CIB1: variants seen among roughly 807,000 people sequenced by gnomAD.
CIB1 encodes the protein calcium and integrin binding 1.
Under a neutral mutation model 25.0 loss-of-function variants are expected in CIB1, and 19 were observed. The ratio of observed to expected loss-of-function variants is 0.76; its 90% CI spans 0.53 to 1.12. The LOEUF (loss-of-function observed/expected upper bound fraction) is 1.12, where lower values mean the gene tolerates loss of function less well. CIB1 is among the 50% of genes most tolerant of loss of function. CIB1 has a pLI of 0.00. For missense variants in CIB1, 236 were observed against 242.6 expected (o/e 0.97, Z 0.18); for synonymous variants, 104 against 98.5 (o/e 1.06, Z -0.33).
the CIB1 span, among the ~76,000 whole-genome samples, chr15:90,247,843 C>T: frequency 6.6e-6 from 1 of 151,652 alleles, no homozygotes; most frequent in African/African-American, 2.4e-5. Context: ...ATTCTCCTGC[C>T]TCAGCCTTCC....
chr15:90,250,728 C>G, the CIB1 span: 1 of 1,614,178 alleles, frequency 6.2e-7, no homozygotes, highest in East Asian at 2.2e-5. Context: ...ACCAACCCCT[C>G]TAACTCTTCA....
At chr15:90,252,407 C>G in the CIB1 span, among the ~76,000 whole-genome samples, 4 of 152,230 alleles carry the variant, frequency 2.6e-5, no homozygotes, top group African/African-American at 9.6e-5. Context: ...TCTTGAACTC[C>G]TGGGCTCAAG....
chr15:90,252,621 A>G, the CIB1 span, among the ~76,000 whole-genome samples: 41,415 of 152,084 alleles, frequency 0.27, 6,563 homozygotes, highest in East Asian at 0.69. Context: ...TTTATAAGGA[A>G]CCACACAAGT....
At chr15:90,231,930 C>T (rs769843215) in intron 3 of CIB1, among the ~76,000 whole-genome samples, 37 of 152,258 alleles carry the variant, frequency 2.4e-4, no homozygotes, top group Non-Finnish European at 4.6e-4. Flanking sequence ...GCCTCTAGAA[C>T]ACGGTTCCTC....
the CIB1 span, among the ~76,000 whole-genome samples, chr15:90,247,942 C>T: frequency 8.8e-3 from 1,330 of 151,878 alleles, 15 homozygotes; most frequent in South Asian, 0.05. Flanking sequence ...GGGGTTTCAC[C>T]GTGTTAGCCA....
upstream of CIB1, among the ~76,000 whole-genome samples, chr15:90,237,560 G>A (rs968099429): frequency 2.0e-5 from 3 of 152,184 alleles, no homozygotes; most frequent in Non-Finnish European, 4.4e-5. Flanking sequence ...CTGGTCCAGG[G>A]ATTACAGGTG....
chr15:90,262,980 G>A, the CIB1 span: 11 of 1,535,916 alleles, frequency 7.2e-6, no homozygotes, highest in South Asian at 1.3e-4. Context: ...TGCCGGGACA[G>A]CTGGACACCA....
intron 6 of CIB1, 122 bp downstream of exon 6, chr15:90,230,812 C>G (rs1962460410): frequency 1.1e-6 from 1 of 931,052 alleles, no homozygotes; most frequent in Admixed American, 1.8e-5. Context: ...TTAGCCGGCC[C>G]TGTGTGTGGG....
upstream of CIB1, among the ~76,000 whole-genome samples, chr15:90,236,604 G>T (rs1447445926): frequency 6.6e-6 from 1 of 152,084 alleles, no homozygotes; most frequent in Non-Finnish European, 1.5e-5. Flanking sequence ...TATGATCTTG[G>T]CTTACTGCAA....
chr15:90,248,931 G>T, the CIB1 span, among the ~76,000 whole-genome samples: 1 of 152,014 alleles, frequency 6.6e-6, no homozygotes, highest in Non-Finnish European at 1.5e-5. Flanking sequence ...GTGATAAGGC[G>T]GTTTGGTTAT....
At chr15:90,241,323 C>G in the CIB1 span, 1 of 1,614,220 alleles carries the variant, frequency 6.2e-7, no homozygotes, top group Non-Finnish European at 8.5e-7. Context: ...CTTCCGTTTG[C>G]ACCGGGAGCC....
At position 90,231,424 on chromosome 15, in the gene CIB1, A is replaced by G; in HGVS notation, c.279T>C (p.Asp93=). The G allele has an allele frequency of 6.2e-7, 1 of 1,614,184 alleles. No individual in the cohort carries two copies. The highest frequency in any genetic ancestry group is 1.1e-5 in the South Asian group (1 of 91,084). ...CTGTGTCACTGAACACACTGAGGAG[A>G]TCCAGGAAGTCCTCAAAGCTAAGGC... ...KDSLSFEDFL[D]LLSVFSDTAT... Residue 93 remains aspartate, a synonymous_variant, in exon 4 of 7, where the codon GAT becomes GAC. Coordinates refer to ENST00000328649, the MANE Select transcript of CIB1 (RefSeq NM_006384.4).
chr15:90,258,426 C>T, the CIB1 span: 6 of 693,406 alleles, frequency 8.7e-6, no homozygotes, highest in African/African-American at 9.0e-5. Flanking sequence ...AGATCTCTAC[C>T]CTTTTGACCT....
chr15:90,264,930 G>A, the CIB1 span: 2 of 1,535,926 alleles, frequency 1.3e-6, no homozygotes, highest in Non-Finnish European at 1.7e-6. Flanking sequence ...ATGCTGCAGC[G>A]TTCCAGAGCA....
At chr15:90,237,950 T>G (rs80331066), upstream of CIB1, among the ~76,000 whole-genome samples, 3,678 of 152,234 alleles carry the variant, frequency 0.024, 140 homozygotes, top group African/African-American at 0.08. Context: ...AGCTTCACTT[T>G]TTTGTTGTTG....
At chr15:90,250,693 T>C in the CIB1 span, 1 of 1,614,160 alleles carries the variant, frequency 6.2e-7, no homozygotes, top group Non-Finnish European at 8.5e-7. Context: ...AAAAGGAATC[T>C]GAGAAGTGTG....
chr15:90,255,859 C>G, the CIB1 span: 2 of 1,614,150 alleles, frequency 1.2e-6, no homozygotes, highest in Non-Finnish European at 1.7e-6. Flanking sequence ...ACAACATCTT[C>G]CCCCGCACCT....
At chr15:90,251,830 A>AC in the CIB1 span, among the ~76,000 whole-genome samples, 2 of 151,328 alleles carry the variant, frequency 1.3e-5, no homozygotes, top group African/African-American at 4.9e-5. Context: ...ACAAGAAAAA[A>AC]AAAAAAAAAA....
chr15:90,248,002 A>G, the CIB1 span, among the ~76,000 whole-genome samples: 2 of 151,982 alleles, frequency 1.3e-5, no homozygotes, highest in Non-Finnish European at 2.9e-5. Flanking sequence ...TGGCCTCCCA[A>G]AGTGCTGGGA....
Sources: gnomAD v4.1 joint callset for allele counts (sites outside exome capture counted in the v4.1 genomes callset) on GRCh38, gnomAD v4.1.1 for gene constraint, MANE v1.5 for transcripts, NCBI Gene and HGNC (gene_info 2026-07-23, HGNC 2026-07-21) for gene names.